Variants in DOK6 observed in about 807,000 individuals in gnomAD.
DOK6 encodes docking protein 6.
In DOK6, 22 loss-of-function variants were observed where a neutral mutation model predicts 44.0. That is an observed-to-expected ratio of 0.50 (90% CI 0.36 to 0.71). The LOEUF (loss-of-function observed/expected upper bound fraction) is 0.71, where lower values mean the gene tolerates loss of function less well. DOK6 is among the 30% of genes least tolerant of loss of function. The probability of loss-of-function intolerance (pLI) is 0.00; values close to 1 mark genes in which losing one functional copy is unlikely to be tolerated. For synonymous variants in DOK6, 166 were observed against 145.5 expected, an observed-to-expected ratio of 1.14 and a Z score of -1.01; for missense variants, 340 against 416.4, an observed-to-expected ratio of 0.82 and a Z score of 1.60.
chr18:69,535,939 A>G (rs532664569), intron 1 of DOK6, among the ~76,000 whole-genome samples: 2 of 152,270 alleles, frequency 1.3e-5, no homozygotes, highest in African/African-American at 4.8e-5. Context: ...ACAGCTAAAA[A>G]GAACTCTTGA....
chr18:69,774,234 T>G (rs1237955009), intron 7 of DOK6, among the ~76,000 whole-genome samples: 14 of 149,110 alleles, frequency 9.4e-5, no homozygotes, highest in Admixed American at 8.8e-4. Context: ...AGACTATTAT[T>G]CTAAGTGAAG....
rs201305083 is a variant in DOK6, at chr18:69,408,455, T to A, written c.66+7145T>A. 6.3e-3 allele frequency among the ~76,000 whole-genome samples: 901 copies of A among 144,142 alleles called. 4 individuals are homozygous for A. The highest frequency in any genetic ancestry group is 0.011 in the Non-Finnish European group (712 of 66,100). 94.6% of individuals were successfully genotyped at this position (144,142 alleles called of 152,430 possible). A position where few individuals can be genotyped will look rare whatever the true frequency, so the allele number is the denominator to read the frequency against. On this transcript the variant is annotated intron_variant, in intron 1 of 7. Transcript: ENST00000382713. ...CTCTCCTTTCAAAAAAAAAAAAAAATAGAGCACCTTTCAAAATTTACATGA... is the reference window on the plus strand; with the variant it reads ...CTCTCCTTTCAAAAAAAAAAAAAAAAAGAGCACCTTTCAAAATTTACATGA...
chr18:69,635,471 C>T (rs1309781783), intron 3 of DOK6, among the ~76,000 whole-genome samples: 1 of 152,158 alleles, frequency 6.6e-6, no homozygotes, highest in East Asian at 1.9e-4. Flanking sequence ...AGTAGTACCA[C>T]TTATGCCTTT....
intron 1 of DOK6, among the ~76,000 whole-genome samples, chr18:69,521,362 A>G (rs1003782369): frequency 5.9e-5 from 9 of 151,872 alleles, no homozygotes; most frequent in African/African-American, 1.9e-4. Context: ...AATCAAATCA[A>G]GTGACACCAT....
chr18:69,503,332 A>C (rs1392311726), intron 1 of DOK6, among the ~76,000 whole-genome samples: 1 of 152,136 alleles, frequency 6.6e-6, no homozygotes, highest in Non-Finnish European at 1.5e-5. Flanking sequence ...AGGATAATTG[A>C]CTAGTGAATT....
Position 69,567,575 on chromosome 18 carries a change from A to G in DOK6, c.174+2981A>G, listed in dbSNP as rs116581087. 6.9e-3 allele frequency among the ~76,000 whole-genome samples: 1,044 copies of G among 152,346 alleles called. 10 individuals are homozygous for G. The highest frequency in any genetic ancestry group is 0.024 in the African/African-American group (995 of 41,582). On this transcript the variant is annotated intron_variant, in intron 2 of 7. Transcript: ENST00000382713. ...GAAAAGAGGTCATAAAAACTGAATT[A>G]GACTACAAGTGATGAGAGTCAATGA...
At chr18:69,491,927 C>A (rs146322766) in intron 1 of DOK6, among the ~76,000 whole-genome samples, 42 of 152,262 alleles carry the variant, frequency 2.8e-4, no homozygotes, top group African/African-American at 9.6e-4. Context: ...AAATGGCAAT[C>A]AATGTGCAGA....
At chr18:69,644,101 G>T (rs1425003235) in intron 3 of DOK6, among the ~76,000 whole-genome samples, 1 of 151,814 alleles carries the variant, frequency 6.6e-6, no homozygotes, top group African/African-American at 2.4e-5. Context: ...GGTGGATATT[G>T]GTTTCATTTT....
intron 7 of DOK6, among the ~76,000 whole-genome samples, chr18:69,835,259 A>G (rs530947959): frequency 2.6e-5 from 4 of 152,188 alleles, no homozygotes; most frequent in South Asian, 2.1e-4. Flanking sequence ...TCAGGAGATC[A>G]AGACCATCTT....
intron 1 of DOK6, among the ~76,000 whole-genome samples, chr18:69,554,907 C>T (rs1982650205): frequency 6.6e-6 from 1 of 152,088 alleles, no homozygotes; most frequent in African/African-American, 2.4e-5. Context: ...TTGTATAAGC[C>T]TATTGGCCAT....
chr18:69,509,556 T>C (rs1447620313), intron 1 of DOK6, among the ~76,000 whole-genome samples: 2 of 140,858 alleles, frequency 1.4e-5, no homozygotes, highest in Admixed American at 8.3e-5. Context: ...GAGAATGGCG[T>C]GAACCCGGGA....
intron 7 of DOK6, among the ~76,000 whole-genome samples, chr18:69,792,225 G>C (rs1261964810): frequency 6.6e-6 from 1 of 151,980 alleles, no homozygotes; most frequent in Non-Finnish European, 1.5e-5. Flanking sequence ...GGATAGCTTT[G>C]GCTATTCTGT....
intron 1 of DOK6, among the ~76,000 whole-genome samples, chr18:69,464,137 A>G (rs952566201): frequency 2.0e-5 from 3 of 152,124 alleles, no homozygotes; most frequent in African/African-American, 7.2e-5. Context: ...AATGAGTATA[A>G]TAACCTAACA....
chr18:69,537,641 G>C (rs11659595), intron 1 of DOK6, among the ~76,000 whole-genome samples: 23,197 of 152,152 alleles, frequency 0.15, 2,270 homozygotes, highest in South Asian at 0.3. Flanking sequence ...GTTTCTAGAC[G>C]AGTTGGTGAA....
intron 1 of DOK6, among the ~76,000 whole-genome samples, chr18:69,534,588 T>C (rs1982069859): frequency 6.6e-6 from 1 of 152,062 alleles, no homozygotes; most frequent in South Asian, 2.1e-4. Context: ...ACTTGTTCTT[T>C]GTTTTTTTCC....
intron 5 of DOK6, among the ~76,000 whole-genome samples, chr18:69,711,854 G>A (rs1010556248): frequency 1.2e-4 from 18 of 152,256 alleles, no homozygotes; most frequent in Non-Finnish European, 1.6e-4. Flanking sequence ...TTCTGTAGGC[G>A]AAACCATTCG....
At chr18:69,579,332 A>G (rs1450669728) in intron 2 of DOK6, among the ~76,000 whole-genome samples, 3 of 152,202 alleles carry the variant, frequency 2.0e-5, no homozygotes, top group Non-Finnish European at 4.4e-5. Context: ...TCTACTTTTT[A>G]GAATCAAGTT....
chr18:69,475,195 T>C (rs932699535), intron 1 of DOK6, among the ~76,000 whole-genome samples: 5 of 152,122 alleles, frequency 3.3e-5, no homozygotes, highest in African/African-American at 7.2e-5. Flanking sequence ...TTCCACCATA[T>C]TGGAAAAAAG....
intron 1 of DOK6, among the ~76,000 whole-genome samples, chr18:69,518,666 T>C (rs1245738626): frequency 3.3e-5 from 5 of 152,086 alleles, no homozygotes; most frequent in Non-Finnish European, 7.4e-5. Context: ...ATGTTGATAA[T>C]CTTTTCATGG....
Sources: allele counts gnomAD v4.1 joint callset (sites outside exome capture counted in the v4.1 genomes callset), GRCh38; gene constraint gnomAD v4.1.1; transcripts MANE v1.5; gene names NCBI Gene and HGNC (gene_info 2026-07-23, HGNC 2026-07-21).